The following AFAP1L2 variants were observed in gnomAD, a reference collection of about 807,000 sequenced individuals.
AFAP1L2 encodes the protein actin filament-associated protein 1-like 2.
In AFAP1L2, 46 loss-of-function variants were observed where a neutral mutation model predicts 99.3. That is an observed-to-expected ratio of 0.46 (90% CI 0.37 to 0.59). The LOEUF (loss-of-function observed/expected upper bound fraction) is 0.59, where lower values mean the gene tolerates loss of function less well. AFAP1L2 is among the 20% of genes least tolerant of loss of function. AFAP1L2 has a pLI of 0.00. For synonymous variants in AFAP1L2, 397 were observed against 419.1 expected (o/e 0.95, Z 0.64); for missense variants, 959 against 1,034.9 (o/e 0.93, Z 1.01).
intron 4 of AFAP1L2, among the ~76,000 whole-genome samples, chr10:114,331,203 G>T (rs1341150856): frequency 3.9e-5 from 6 of 152,144 alleles, no homozygotes; most frequent in Non-Finnish European, 8.8e-5. Context: ...CAAGCAGGTA[G>T]TACAGTGTGA....
chr10:114,304,223 G>A (rs1181085439), intron 11 of AFAP1L2, among the ~76,000 whole-genome samples: 2 of 152,160 alleles, frequency 1.3e-5, no homozygotes, highest in South Asian at 2.1e-4. Context: ...GAAGGGACTC[G>A]GTCTCCGCCT....
the AFAP1L2 span, among the ~76,000 whole-genome samples, chr10:114,285,541 C>A: frequency 6.6e-6 from 1 of 152,222 alleles, no homozygotes; most frequent in South Asian, 2.1e-4. Flanking sequence ...TACCTCACAA[C>A]CCTACCAGAA....
At chr10:114,328,784 A>G (rs1448319525) in intron 4 of AFAP1L2, among the ~76,000 whole-genome samples, 2 of 152,096 alleles carry the variant, frequency 1.3e-5, no homozygotes, top group Non-Finnish European at 2.9e-5. Flanking sequence ...CTGATTCAAC[A>G]AGAGAGGAGG....
At chr10:114,292,924 C>T (rs964118689), downstream of AFAP1L2, among the ~76,000 whole-genome samples, 9 of 152,180 alleles carry the variant, frequency 5.9e-5, no homozygotes, top group African/African-American at 1.9e-4. Context: ...CCAGGCTAGT[C>T]TCGAACTTCT....
intron 1 of AFAP1L2, among the ~76,000 whole-genome samples, chr10:114,403,197 C>T (rs1033262401): frequency 1.3e-5 from 2 of 152,228 alleles, no homozygotes; most frequent in Non-Finnish European, 2.9e-5. Context: ...CTCCTTTAAC[C>T]CTGTCCCCCA....
chr10:114,366,177 C>T lies in AFAP1L2; in HGVS notation c.17-25446G>A, dbSNP rs568470862. 1.1e-3 allele frequency among the ~76,000 whole-genome samples: 161 copies of T among 152,292 alleles called. 3 individuals carry two copies. In the South Asian group the frequency reaches 0.028, roughly 27 times the overall value. ...TAATTACAGAGAAGAGCTGTGTGCC[C>T]TTCTTCCCAGTAACAAGATGCTACT... On this transcript the variant is annotated intron_variant, in intron 1 of 18. Coordinates refer to ENST00000304129, the MANE Select transcript of AFAP1L2 (RefSeq NM_001001936.3).
the AFAP1L2 span, chr10:114,281,660 CTTG>C: frequency 1.1e-6 from 1 of 873,208 alleles, no homozygotes; most frequent in South Asian, 5.2e-5. Context: ...CGTGTGGACA[CTTG>C]TTGTGTGGAC....
intron 1 of AFAP1L2, among the ~76,000 whole-genome samples, chr10:114,348,731 T>C (rs924257337): frequency 1.3e-5 from 2 of 152,152 alleles, no homozygotes; most frequent in Non-Finnish European, 2.9e-5. Flanking sequence ...GGCTGCACAC[T>C]GGAATCACTG....
At chr10:114,343,556 G>C (rs1170036182) in intron 1 of AFAP1L2, among the ~76,000 whole-genome samples, 2 of 152,208 alleles carry the variant, frequency 1.3e-5, no homozygotes, top group Admixed American at 6.5e-5. Context: ...AGCAAGGAGG[G>C]AGGGAGGGAG....
At position 114,300,647 on chromosome 10, in the gene AFAP1L2, T is replaced by G. The variant is rs748556898; in HGVS notation, c.1586A>C (p.Asn529Thr). 1.2e-5 allele frequency: 19 copies of G among 1,610,654 alleles called. No homozygotes were observed. The Middle Eastern group carries it at 4.9e-4, about 42-fold the overall frequency. The part of the protein sequence containing the change: ...EEATPVADDP[N>T]ERESDRVYLD... ...GTACACTCGGTCAGATTCTCTCTCA[T>G]TTGGGTCATCTGCAACAGGGGTGGC... Residue 529 changes from asparagine (N) to threonine (T), a missense_variant, in exon 14 of 19, where the codon AAT (asparagine) becomes ACT (threonine). Physicochemically the swap from Asn to Thr is moderately conservative, Grantham distance 65. Around this residue, in one of 2 missense-constraint regions of AFAP1L2, gnomAD observed 576 missense variants for 562.1 expected, o/e 1.02. Coordinates refer to ENST00000304129, the MANE Select transcript of AFAP1L2 (RefSeq NM_001001936.3).
Position 114,383,008 on chromosome 10 carries a change from C to T in AFAP1L2, c.16+21432G>A, listed in dbSNP as rs893258990. 2.0e-5 allele frequency among the ~76,000 whole-genome samples: 3 copies of T among 152,236 alleles called. No individual in the cohort carries two copies. In the South Asian group the frequency reaches 6.2e-4, roughly 32 times the overall value. On this transcript the variant is annotated intron_variant, in intron 1 of 18. Coordinates refer to ENST00000304129, the MANE Select transcript of AFAP1L2 (RefSeq NM_001001936.3). ...CCCAAATACCCTGACTGGATCATTA[C>T]ACTTTCTATGTATATAACAAACACT...
intron 1 of AFAP1L2, among the ~76,000 whole-genome samples, chr10:114,403,602 G>T (rs1255835722): frequency 6.6e-6 from 1 of 152,158 alleles, no homozygotes; most frequent in East Asian, 1.9e-4. Flanking sequence ...CTCTTAAGGG[G>T]CAACTCCCTG....
chr10:114,317,886 G>C (rs777999708), intron 5 of AFAP1L2, among the ~76,000 whole-genome samples: 27 of 152,190 alleles, frequency 1.8e-4, no homozygotes, highest in Non-Finnish European at 5.9e-5. Context: ...GGGAAAGAAT[G>C]TTACATGCAT....
In AFAP1L2 at chr10:114,295,543, T is replaced by G. The variant is rs372525605; in HGVS notation, c.*499A>C. On this transcript the variant is annotated 3_prime_UTR_variant, in exon 19 of 19. Transcript: ENST00000304129. ...CTGTTTAAAATCACTGAAGACTGAG[T>G]TGGGCCTGGTAATATTGGAGAGAAC... is the stretch of plus-strand genomic sequence containing the variant. The G allele has an allele frequency of 1.0e-6, 1 of 985,766 alleles. No homozygotes were observed. The highest frequency in any genetic ancestry group is 1.2e-6 in the Non-Finnish European group (1 of 830,300). The allele number at this position is 985,766 out of a possible 1,614,324, so 61.1% of individuals were successfully genotyped here.
intron 13 of AFAP1L2, 135 bp from the exon 14 acceptor site, chr10:114,300,825 G>A: frequency 8.1e-7 from 1 of 1,238,322 alleles, no homozygotes; most frequent in Non-Finnish European, 1.1e-6. Context: ...TGCTGGGGGG[G>A]CCACTGGCTG....
the AFAP1L2 span, chr10:114,285,914 G>A: frequency 6.4e-7 from 1 of 1,557,646 alleles, no homozygotes; most frequent in South Asian, 1.2e-5. Flanking sequence ...TGGCTTGACA[G>A]TGGGTGTTGC....
At chr10:114,360,259 T>G (rs1416745697) in intron 1 of AFAP1L2, among the ~76,000 whole-genome samples, 7 of 152,168 alleles carry the variant, frequency 4.6e-5, no homozygotes, top group African/African-American at 9.7e-5. Flanking sequence ...GACTAAAAAG[T>G]TGGCTCTTCT....
intron 1 of AFAP1L2, among the ~76,000 whole-genome samples, chr10:114,384,352 A>G (rs1246304143): frequency 6.7e-6 from 1 of 150,118 alleles, no homozygotes; most frequent in African/African-American, 2.5e-5. Context: ...TGATGAACCA[A>G]CTTCACTGGA....
At chr10:114,286,172 G>A in the AFAP1L2 span, 17 of 1,613,934 alleles carry the variant, frequency 1.1e-5, no homozygotes, top group Middle Eastern at 1.6e-4. Flanking sequence ...CTGGAGCCTC[G>A]ATGGCATTCC....
Sources: allele counts gnomAD v4.1 joint callset (sites outside exome capture counted in the v4.1 genomes callset), GRCh38; gene constraint gnomAD v4.1.1; regional missense constraint gnomAD v4.1.1; transcripts MANE v1.5; gene names NCBI Gene and HGNC (gene_info 2026-07-23, HGNC 2026-07-21).